Variants in PTPRD observed in about 807,000 individuals in gnomAD.
PTPRD encodes protein tyrosine phosphatase receptor type D.
PTPRD carries 34 observed loss-of-function variants against 214.5 expected under a neutral mutation model. That is an observed-to-expected ratio of 0.16 (90% CI 0.12 to 0.21). The LOEUF is 0.21. Ranked by LOEUF, PTPRD falls within the 10% of genes least tolerant of loss-of-function variation. PTPRD has a pLI of 1.00. For synonymous variants in PTPRD, 1,128 were observed against 845.7 expected, an observed-to-expected ratio of 1.33 and a Z score of -5.79; for missense variants, 2,545 against 2,398.7, an observed-to-expected ratio of 1.06 and a Z score of -1.27.
At chr9:10,570,937 A>C (rs2067232572) in intron 2 of PTPRD, among the ~76,000 whole-genome samples, 1 of 149,874 alleles carries the variant, frequency 6.7e-6, no homozygotes, top group African/African-American at 2.5e-5. Context: ...CCTTTACTCC[A>C]GAGCATTTTA....
intron 8 of PTPRD, among the ~76,000 whole-genome samples, chr9:9,567,283 T>A (rs1312412815): frequency 6.6e-6 from 1 of 151,828 alleles, no homozygotes; most frequent in Non-Finnish European, 1.5e-5. Context: ...GGTGGGATTG[T>A]TGTGTTATTG....
At chr9:9,474,503 T>C (rs959195599) in intron 8 of PTPRD, among the ~76,000 whole-genome samples, 2 of 152,100 alleles carry the variant, frequency 1.3e-5, no homozygotes, top group Admixed American at 6.5e-5. Context: ...TTGATAGGGA[T>C]TGTATTAAAT....
chr9:10,040,396 C>T (rs1305855756), intron 3 of PTPRD, among the ~76,000 whole-genome samples: 2 of 152,030 alleles, frequency 1.3e-5, no homozygotes, highest in Admixed American at 6.6e-5. Context: ...AGCAGATGTG[C>T]TTCTGCCCAA....
chr9:8,707,185 T>G (rs1203515606), intron 12 of PTPRD, among the ~76,000 whole-genome samples: 2 of 152,204 alleles, frequency 1.3e-5, no homozygotes, highest in African/African-American at 4.8e-5. Context: ...AATATGTGGG[T>G]ATATTACGGA....
chr9:9,664,465 G>T (rs1594654449), intron 7 of PTPRD, among the ~76,000 whole-genome samples: 1 of 151,534 alleles, frequency 6.6e-6, no homozygotes, highest in South Asian at 2.1e-4. Flanking sequence ...TGACATATCT[G>T]CCCGGACATG....
intron 7 of PTPRD, among the ~76,000 whole-genome samples, chr9:9,648,769 T>C (rs750441135): frequency 2.0e-5 from 3 of 152,228 alleles, no homozygotes; most frequent in Non-Finnish European, 4.4e-5. Context: ...TGTTCTTATA[T>C]TGTATTGTGT....
At chr9:10,258,434 G>T (rs994954496) in intron 3 of PTPRD, among the ~76,000 whole-genome samples, 1 of 152,146 alleles carries the variant, frequency 6.6e-6, no homozygotes, top group Non-Finnish European at 1.5e-5. Flanking sequence ...AGGCTATCTT[G>T]CCATAATATC....
At chr9:10,160,310 G>C (rs889066815) in intron 3 of PTPRD, among the ~76,000 whole-genome samples, 1 of 151,936 alleles carries the variant, frequency 6.6e-6, no homozygotes, top group African/African-American at 2.4e-5. Context: ...AGGATATTGA[G>C]AACCTCAACA....
rs116596227 is a variant in PTPRD, at chr9:9,440,983, C to G, written c.-236-43501G>C. ...AGCTGATCTTCAGGCCTGCTGTTAG[C>G]CTAGTCAATCTACAGAAAGTTCCAG... On this transcript the variant is annotated intron_variant, in intron 8 of 45. Transcript: ENST00000381196. Among the ~76,000 whole-genome samples the G allele has an allele frequency of 5.2e-3, 787 of 152,286 alleles. 6 individuals are homozygous for G. The highest frequency in any genetic ancestry group is 0.012 in the African/African-American group (517 of 41,572).
rs1042982273 is a variant in PTPRD at position 9,649,137 on chromosome 9, C to T, written c.-286-74356G>A. On this transcript the variant is annotated intron_variant, in intron 7 of 45. Transcript: ENST00000381196. ...TCAGGGTCTGTGACTAATGAGATAG[C>T]GACCATATATCATGTAGCCATATAT... Among the ~76,000 whole-genome samples, 16 of 152,190 alleles carry T rather than the reference C, an allele frequency of 1.1e-4. No homozygotes were observed. The East Asian group carries it at 1.4e-3, about 13-fold the overall frequency.
intron 7 of PTPRD, among the ~76,000 whole-genome samples, chr9:9,689,273 T>C (rs536478362): frequency 1.3e-5 from 2 of 151,944 alleles, no homozygotes; most frequent in Admixed American, 6.6e-5. Context: ...GAGTGAAATA[T>C]GGTAACATCT....
intron 14 of PTPRD, among the ~76,000 whole-genome samples, chr9:8,546,451 C>T (rs2080173324): frequency 6.6e-6 from 1 of 151,934 alleles, no homozygotes; most frequent in African/African-American, 2.4e-5. Flanking sequence ...TGGGAGAGAA[C>T]TTTTCCCCTG....
At chr9:8,381,179 A>G (rs1358167189) in intron 37 of PTPRD, among the ~76,000 whole-genome samples, 1 of 152,208 alleles carries the variant, frequency 6.6e-6, no homozygotes, top group African/African-American at 2.4e-5. Flanking sequence ...CCTGTAAGGA[A>G]TGGACAAACA....
At chr9:10,470,490 A>C (rs1459398079) in intron 2 of PTPRD, among the ~76,000 whole-genome samples, 1 of 152,168 alleles carries the variant, frequency 6.6e-6, no homozygotes, top group Non-Finnish European at 1.5e-5. Context: ...TTCAATGTAT[A>C]TTATGTAATG....
At chr9:9,551,165 T>TG (rs2080132654) in intron 8 of PTPRD, among the ~76,000 whole-genome samples, 2 of 151,940 alleles carry the variant, frequency 1.3e-5, no homozygotes, top group Non-Finnish European at 2.9e-5. Context: ...TTCAAGGAGC[T>TG]GGGGTAGTAT....
intron 5 of PTPRD, among the ~76,000 whole-genome samples, chr9:9,865,892 A>C (rs1054663254): frequency 6.6e-6 from 1 of 152,206 alleles, no homozygotes; most frequent in African/African-American, 2.4e-5. Flanking sequence ...ATCTGTAAGA[A>C]TCTGTAATGG....
intron 7 of PTPRD, among the ~76,000 whole-genome samples, chr9:9,617,527 G>C (rs2094949681): frequency 6.6e-6 from 1 of 152,192 alleles, no homozygotes; most frequent in Non-Finnish European, 1.5e-5. Context: ...ATGTGTGTGA[G>C]TCCTGATGGC....
At position 10,308,448 on chromosome 9, in the gene PTPRD, T is replaced by C. The variant is rs373336795; in HGVS notation, c.-545+32515A>G. 1.2e-4 allele frequency among the ~76,000 whole-genome samples: 18 copies of C among 152,254 alleles called. No individual in the cohort carries two copies. In the East Asian group the frequency reaches 3.5e-3, roughly 29 times the overall value. ...GTCTGTTTTTACACCAACACCATGC[T>C]GTCTTGTTTACTGTAGCTTTGTAGT... On this transcript the variant is annotated intron_variant, in intron 3 of 45. Transcript: ENST00000381196.
intron 10 of PTPRD, among the ~76,000 whole-genome samples, chr9:9,033,135 T>C (rs1403476693): frequency 6.6e-6 from 1 of 152,170 alleles, no homozygotes; most frequent in Non-Finnish European, 1.5e-5. Context: ...TTGACCTTCT[T>C]TTCTCATTTG....
Sources: allele counts gnomAD v4.1 joint callset (sites outside exome capture counted in the v4.1 genomes callset), GRCh38; gene constraint gnomAD v4.1.1; transcripts MANE v1.5; gene names NCBI Gene and HGNC (gene_info 2026-07-23, HGNC 2026-07-21).